The following LCK variants were observed in gnomAD, a reference collection of about 807,000 sequenced individuals.
LCK encodes the protein LCK proto-oncogene, Src family tyrosine kinase, also known as tyrosine-protein kinase Lck.
Under a neutral mutation model 64.6 loss-of-function variants are expected in LCK, and 14 were observed. The ratio of observed to expected loss-of-function variants is 0.22; its 90% CI spans 0.14 to 0.34. LCK has a LOEUF of 0.34. Ranked by LOEUF, LCK falls within the 10% of genes least tolerant of loss-of-function variation. The pLI is 1.00. For missense variants in LCK, 434 were observed against 668.1 expected (o/e 0.65, Z 3.86); for synonymous variants, 277 against 263.6 (o/e 1.05, Z -0.49).
chr1:32,274,655 GAGAGC>G, intron 2 of LCK, 77 bp from the exon 3 acceptor site: 1 of 1,193,134 alleles, frequency 8.4e-7, no homozygotes, highest in Non-Finnish European at 1.2e-6. Context: ...TGGAGAGGCT[GAGAGC>G]AGAGCAGGGG....
chr1:32,261,737 AG>A (rs1639776948), intron 1 of LCK, among the ~76,000 whole-genome samples: 1 of 150,826 alleles, frequency 6.6e-6, no homozygotes, highest in East Asian at 2.0e-4. Flanking sequence ...GCAGATCATG[AG>A]GTCAGGAGTT....
chr1:32,265,916 C>T (rs1011651819), intron 1 of LCK, among the ~76,000 whole-genome samples: 1 of 152,146 alleles, frequency 6.6e-6, no homozygotes, highest in African/African-American at 2.4e-5. Context: ...AATTCTCCTG[C>T]CTTGGTTTCC....
chr1:32,268,484 T>TATA (rs1159122247), intron 1 of LCK, among the ~76,000 whole-genome samples: 29 of 151,124 alleles, frequency 1.9e-4, no homozygotes, highest in Middle Eastern at 3.4e-3. Flanking sequence ...AGCTAGTTTT[T>TATA]ATAATAATAA....
In LCK at chr1:32,280,081, G is replaced by C; in HGVS notation, c.1198G>C (p.Ala400Pro). The C allele has an allele frequency of 6.2e-7, 1 of 1,614,080 alleles. No individual in the cohort carries two copies. The highest frequency in any genetic ancestry group is 1.1e-5 in the South Asian group (1 of 91,082). The change falls in exon 12 of 13, where the codon GCC becomes CCC. Residue 400 changes from alanine to proline, a missense_variant and splice_region_variant. By Grantham distance (27) the Ala-to-Pro change is conservative (BLOSUM62 -1). Around this residue, in one of 2 missense-constraint regions of LCK, gnomAD observed 201 missense variants for 376.9 expected, o/e 0.53. Coordinates refer to ENST00000336890, the MANE Select transcript of LCK (RefSeq NM_005356.5). ...ACCTCACTCTGCCTCCTCCTTAGGG[G>C]CCAAGTTTCCCATTAAGTGGACAGC... The part of the protein sequence containing the change: ...EDNEYTAREG[A>P]KFPIKWTAPE...
chr1:32,258,492 A>C (rs1276240363), intron 1 of LCK, among the ~76,000 whole-genome samples: 9 of 151,030 alleles, frequency 6.0e-5, no homozygotes. Flanking sequence ...AAAAAAAAAA[A>C]AAAACCAGGC....
intron 1 of LCK, among the ~76,000 whole-genome samples, chr1:32,272,777 TG>T (rs1640127762): frequency 1.3e-5 from 2 of 149,940 alleles, no homozygotes. Context: ...TGGGGGTGTG[TG>T]GGGGTGCCTG....
intron 2 of LCK, 67 bp downstream of exon 2, chr1:32,274,501 G>T: frequency 1.5e-6 from 2 of 1,314,558 alleles, no homozygotes; most frequent in South Asian, 2.6e-5. Flanking sequence ...AGAAAGAAAT[G>T]ACCAGCACTA....
At chr1:32,279,795 G>A (rs373269203) in intron 10 of LCK, 46 bp from the exon 11 acceptor site, 56 of 1,612,198 alleles carry the variant, frequency 3.5e-5, no homozygotes, top group South Asian at 6.6e-5. Context: ...GACCAGTGAC[G>A]TGAAGACATC....
chr1:32,268,273 G>A (rs1216091639), intron 1 of LCK, among the ~76,000 whole-genome samples: 1 of 151,956 alleles, frequency 6.6e-6, no homozygotes, highest in Non-Finnish European at 1.5e-5. Flanking sequence ...AGTATGTTGG[G>A]CTTCTTTTCA....
Position 32,276,229 on chromosome 1 carries a change from C to G in LCK, c.632-108C>G. 1 of 1,473,942 alleles carries G rather than the reference C, an allele frequency of 6.8e-7. No individual in the cohort carries two copies. The highest frequency in any genetic ancestry group is 9.1e-7 in the Non-Finnish European group (1 of 1,102,628). The allele number at this position is 1,473,942 out of a possible 1,614,324, so 91.3% of individuals were successfully genotyped here. A position where few individuals can be genotyped will look rare whatever the true frequency, so the allele number is the denominator to read the frequency against. On this transcript the variant is annotated intron_variant, in intron 7 of 12. Transcript: ENST00000336890. This position sits in a 1 kb window ranked among gnomAD's most constrained non-coding sequence, Gnocchi z 4.6. The stretch of plus-strand genomic sequence containing the variant: ...AGTGTTTGGGTGACAGCCCCACACC[C>G]CCTTGCTAGTCCACTTCACCTAGAT...
At chr1:32,254,656 G>T (rs1232227855) in intron 1 of LCK, among the ~76,000 whole-genome samples, 1 of 152,158 alleles carries the variant, frequency 6.6e-6, no homozygotes, top group Non-Finnish European at 1.5e-5. Flanking sequence ...GGGATTACAG[G>T]CATGGACCAC....
At chr1:32,266,107 G>A (rs377545308) in intron 1 of LCK, among the ~76,000 whole-genome samples, 25 of 151,776 alleles carry the variant, frequency 1.6e-4, no homozygotes, top group African/African-American at 5.6e-4. Context: ...CTACAGGGGC[G>A]CACCACCATG....
intron 1 of LCK, among the ~76,000 whole-genome samples, chr1:32,271,494 T>C (rs537042835): frequency 1.4e-4 from 21 of 152,228 alleles, no homozygotes; most frequent in Admixed American, 2.6e-4. Flanking sequence ...CCGGGCAACA[T>C]AGCAATACCC....
intron 1 of LCK, 98 bp from the exon 2 acceptor site, chr1:32,274,227 G>A (rs780086594): frequency 6.3e-7 from 1 of 1,592,456 alleles, no homozygotes; most frequent in Non-Finnish European, 8.5e-7. Context: ...ACAATCTCAG[G>A]TACTTTTGGA....
intron 12 of LCK, 107 bp from the exon 13 acceptor site, chr1:32,285,407 C>A (rs1240265405): frequency 2.0e-6 from 2 of 997,042 alleles, no homozygotes; most frequent in Admixed American, 1.7e-5. Context: ...GACCAAGATT[C>A]TTTTGGATTG....
intron 1 of LCK, among the ~76,000 whole-genome samples, chr1:32,254,624 T>A (rs1639585756): frequency 6.6e-6 from 1 of 152,216 alleles, no homozygotes; most frequent in Non-Finnish European, 1.5e-5. Context: ...GTGATTCTGC[T>A]GCCTCAGCCT....
intron 1 of LCK, among the ~76,000 whole-genome samples, chr1:32,265,921 G>C (rs1190022921): frequency 6.6e-6 from 1 of 151,934 alleles, no homozygotes; most frequent in African/African-American, 2.4e-5. Flanking sequence ...TCCTGCCTTG[G>C]TTTCCCAAAG....
intron 1 of LCK, among the ~76,000 whole-genome samples, chr1:32,263,722 C>T (rs1639842623): frequency 6.6e-6 from 1 of 152,030 alleles, no homozygotes; most frequent in South Asian, 2.1e-4. Context: ...ACCAGACTGG[C>T]CAACATGGTG....
rs1569887002 is a variant in LCK at position 32,251,769 on chromosome 1, C to T, written c.-6+398C>T. Among the ~76,000 whole-genome samples the T allele has an allele frequency of 6.6e-6, 1 of 152,116 alleles. No individual in the cohort carries two copies. ...GTTTCTCAGCAAGGCAGTGGCAGGGCTGAGAGTGATGGCTGAGGCTGTGGC... is the reference window on the plus strand; with the variant it reads ...GTTTCTCAGCAAGGCAGTGGCAGGGTTGAGAGTGATGGCTGAGGCTGTGGC... On this transcript the variant is annotated intron_variant, in intron 1 of 12. Transcript: ENST00000336890. The surrounding 1 kb of genome is among the most constrained non-coding windows in gnomAD (Gnocchi z 4.0).
Sources: allele counts gnomAD v4.1 joint callset (sites outside exome capture counted in the v4.1 genomes callset), GRCh38; gene constraint gnomAD v4.1.1; regional missense constraint gnomAD v4.1.1; non-coding constraint Gnocchi (gnomAD v3.1); transcripts MANE v1.5; gene names NCBI Gene and HGNC (gene_info 2026-07-23, HGNC 2026-07-21).